Variants in TAFA1 observed in about 807,000 individuals in gnomAD.
TAFA1 encodes TAFA chemokine like family member 1.
Under a neutral mutation model 18.5 loss-of-function variants are expected in TAFA1, and 4 were observed. The observed-to-expected ratio is 0.22, with a 90% CI of 0.11 to 0.49. TAFA1 has a LOEUF of 0.49. Ranked by LOEUF, TAFA1 falls within the 20% of genes least tolerant of loss-of-function variation. The probability of loss-of-function intolerance (pLI) is 0.98; values close to 1 mark genes in which losing one functional copy is unlikely to be tolerated. For missense variants in TAFA1, 147 were observed against 169.0 expected (o/e 0.87, Z 0.72); for synonymous variants, 56 against 55.2 (o/e 1.01, Z -0.06).
intron 3 of TAFA1, among the ~76,000 whole-genome samples, chr3:68,524,225 G>C (rs2073071418): frequency 6.6e-6 from 1 of 152,086 alleles, no homozygotes; most frequent in South Asian, 2.1e-4. Context: ...GCTACTCTCT[G>C]CTCCACATGA....
chr3:68,076,628 G>C (rs1473676837), intron 2 of TAFA1, among the ~76,000 whole-genome samples: 1 of 152,272 alleles, frequency 6.6e-6, no homozygotes, highest in Non-Finnish European at 1.5e-5. Flanking sequence ...CCCTACAAAG[G>C]ACATGAACTC....
At chr3:68,234,029 G>T (rs2066900316) in intron 2 of TAFA1, among the ~76,000 whole-genome samples, 1 of 152,174 alleles carries the variant, frequency 6.6e-6, no homozygotes, top group Admixed American at 6.5e-5. Flanking sequence ...GTTCATCACT[G>T]CTCACTGCTG....
chr3:68,221,453 C>G (rs1231959450), intron 2 of TAFA1, among the ~76,000 whole-genome samples: 3 of 152,074 alleles, frequency 2.0e-5, no homozygotes, highest in Non-Finnish European at 4.4e-5. Context: ...ATAATATTTT[C>G]TTAAGCAAAT....
At chr3:68,333,106 G>T (rs1189808600) in intron 2 of TAFA1, among the ~76,000 whole-genome samples, 8 of 152,142 alleles carry the variant, frequency 5.3e-5, no homozygotes, top group Non-Finnish European at 2.9e-5. Flanking sequence ...ATTTCTGAAA[G>T]AACTTAAAAC....
intron 3 of TAFA1, among the ~76,000 whole-genome samples, chr3:68,515,472 C>T (rs1457441691): frequency 6.6e-6 from 1 of 152,112 alleles, no homozygotes; most frequent in African/African-American, 2.4e-5. Context: ...TGGTTAGCTC[C>T]ACCTAAAGCA....
chr3:68,003,356 A>G (rs1454660152), upstream of TAFA1, among the ~76,000 whole-genome samples: 1 of 152,222 alleles, frequency 6.6e-6, no homozygotes, highest in African/African-American at 2.4e-5. Context: ...GTTTCCAAGG[A>G]AGCAATATTA....
intron 2 of TAFA1, among the ~76,000 whole-genome samples, chr3:68,381,256 C>CT (rs1300474909): frequency 6.6e-6 from 1 of 151,510 alleles, no homozygotes; most frequent in Non-Finnish European, 1.5e-5. Flanking sequence ...AATGTGGGCT[C>CT]TTTTTTGGTT....
chr3:68,237,051 G>C (rs1202701951), intron 2 of TAFA1, among the ~76,000 whole-genome samples: 2 of 152,174 alleles, frequency 1.3e-5, no homozygotes, highest in Non-Finnish European at 2.9e-5. Flanking sequence ...AGATATACAA[G>C]ATACATCATT....
intron 2 of TAFA1, among the ~76,000 whole-genome samples, chr3:68,305,756 T>C (rs1320047159): frequency 6.6e-6 from 1 of 151,900 alleles, no homozygotes; most frequent in Non-Finnish European, 1.5e-5. Flanking sequence ...TTGAGAGGCA[T>C]CAGTGAAGTT....
intron 2 of TAFA1, among the ~76,000 whole-genome samples, chr3:68,370,391 CACACATATATAT>C (rs1272261784): frequency 7.6e-5 from 6 of 78,486 alleles, no homozygotes; most frequent in African/African-American, 1.1e-4. Context: ...CATATATATA[CACACATATATAT>C]ACACATATAT....
intron 2 of TAFA1, among the ~76,000 whole-genome samples, chr3:68,056,431 AC>A (rs2064537725): frequency 6.6e-6 from 1 of 152,178 alleles, no homozygotes; most frequent in South Asian, 2.1e-4. Context: ...CTCTGTCCTT[AC>A]CAAACCAGAT....
At chr3:68,369,995 A>T (rs1483857139) in intron 2 of TAFA1, among the ~76,000 whole-genome samples, 1 of 151,860 alleles carries the variant, frequency 6.6e-6, no homozygotes, top group Non-Finnish European at 1.5e-5. Context: ...TCATTTCTTT[A>T]AAAATGTTTT....
At chr3:68,046,148 G>A (rs1331294502) in intron 2 of TAFA1, among the ~76,000 whole-genome samples, 1 of 152,114 alleles carries the variant, frequency 6.6e-6, no homozygotes, top group Non-Finnish European at 1.5e-5. Context: ...GTGTTGGATG[G>A]AATATAGTGA....
chr3:68,354,782 G>C (rs1006024058), intron 2 of TAFA1, among the ~76,000 whole-genome samples: 1 of 151,930 alleles, frequency 6.6e-6, no homozygotes, highest in East Asian at 1.9e-4. Context: ...GTGTCCTCCA[G>C]AGGGGATGAA....
chr3:68,513,367 A>G (rs1438539545), intron 3 of TAFA1, among the ~76,000 whole-genome samples: 2 of 152,186 alleles, frequency 1.3e-5, no homozygotes, highest in African/African-American at 2.4e-5. Flanking sequence ...ATCATTCAAT[A>G]TGGTAGCCAC....
intron 2 of TAFA1, among the ~76,000 whole-genome samples, chr3:68,228,926 G>A (rs2066836093): frequency 6.6e-6 from 1 of 152,158 alleles, no homozygotes; most frequent in Non-Finnish European, 1.5e-5. Context: ...GGAGAAAAAA[G>A]GGACACTGGG....
Position 68,157,832 on chromosome 3 carries a change from T to C in TAFA1, c.118+151088T>C, listed in dbSNP as rs543246544. On this transcript the variant is annotated intron_variant, in intron 2 of 4. Transcript: ENST00000478136. ...TAGACAGATATCACCTTTGGCTTTA[T>C]TATTAACAAAAATAAGTCTACTTGG... Among the ~76,000 whole-genome samples the C allele has an allele frequency of 2.5e-3, 375 of 152,344 alleles. 1 individual carries two copies. Among genetic ancestry groups the C allele is most frequent in the Non-Finnish European group, 4.2e-3 (289 of 68,032 alleles).
intron 2 of TAFA1, among the ~76,000 whole-genome samples, chr3:68,248,623 T>C (rs950349024): frequency 6.6e-6 from 1 of 151,590 alleles, no homozygotes; most frequent in African/African-American, 2.4e-5. Flanking sequence ...CAGATGCACC[T>C]GAATGTGTGT....
At chr3:68,374,630 A>G (rs781606100) in intron 2 of TAFA1, among the ~76,000 whole-genome samples, 1 of 152,178 alleles carries the variant, frequency 6.6e-6, no homozygotes, top group African/African-American at 2.4e-5. Flanking sequence ...TCCTGTAACC[A>G]TTCCATCATC....
Sources: allele counts gnomAD v4.1 joint callset (sites outside exome capture counted in the v4.1 genomes callset), GRCh38; gene constraint gnomAD v4.1.1; transcripts MANE v1.5; gene names NCBI Gene and HGNC (gene_info 2026-07-23, HGNC 2026-07-21).